EPHB1: variants seen among roughly 807,000 people sequenced by gnomAD.
EPHB1 encodes EPH receptor B1.
EPHB1 carries 30 observed loss-of-function variants against 94.4 expected under a neutral mutation model. The observed-to-expected ratio is 0.32, with a 90% CI of 0.24 to 0.43. EPHB1 has a LOEUF of 0.43. EPHB1 is among the 20% of genes least tolerant of loss of function. The pLI is 1.00. For synonymous variants in EPHB1, 522 were observed against 489.1 expected, an observed-to-expected ratio of 1.07 and a Z score of -0.89; for missense variants, 1,055 against 1,308.3, an observed-to-expected ratio of 0.81 and a Z score of 2.99.
chr3:134,870,378 G>C (rs1949306), intron 1 of EPHB1, among the ~76,000 whole-genome samples: 150,674 of 152,322 alleles, frequency 0.99, 74,543 homozygotes, highest in Middle Eastern at 1. Flanking sequence ...AGGGCATGAA[G>C]AAAAGGAGAA....
At chr3:135,041,983 G>A (rs1214235061) in intron 3 of EPHB1, among the ~76,000 whole-genome samples, 1 of 152,196 alleles carries the variant, frequency 6.6e-6, no homozygotes. Flanking sequence ...CACCTAGGGT[G>A]GAGTACAGTG....
In EPHB1 at chr3:135,027,804, A is replaced by G. The variant is rs1339370163; in HGVS notation, c.805+75752A>G. On this transcript the variant is annotated intron_variant, in intron 3 of 15. Transcript: ENST00000398015. Reference sequence around the variant, plus strand: ...GAATAGTTTCAGAAGGAATGGTACCAGTTCCTCCTTGTACCTCTGGTAGAA... The same window carrying G: ...GAATAGTTTCAGAAGGAATGGTACCGGTTCCTCCTTGTACCTCTGGTAGAA... Among the ~76,000 whole-genome samples, 2 of 128,094 alleles carry G rather than the reference A, an allele frequency of 1.6e-5. 1 individual carries two copies. The highest frequency in any genetic ancestry group is 1.7e-4 in the Admixed American group (2 of 11,668). 84.0% of individuals were successfully genotyped at this position (128,094 alleles called of 152,430 possible). A position where few individuals can be genotyped will look rare whatever the true frequency, so the allele number is the denominator to read the frequency against.
intron 3 of EPHB1, among the ~76,000 whole-genome samples, chr3:135,094,879 A>G (rs1416697487): frequency 6.6e-6 from 1 of 152,200 alleles, no homozygotes; most frequent in Non-Finnish European, 1.5e-5. Context: ...TCCCTGTACC[A>G]TTCCAAAGTC....
intron 9 of EPHB1, among the ~76,000 whole-genome samples, chr3:135,178,234 G>A (rs941861049): frequency 6.7e-6 from 1 of 148,274 alleles, no homozygotes; most frequent in African/African-American, 2.5e-5. Context: ...AGGGGGGGTG[G>A]ATCATGAGGT....
intron 1 of EPHB1, among the ~76,000 whole-genome samples, chr3:134,851,380 C>T (rs746162982): frequency 5.3e-5 from 8 of 152,180 alleles, no homozygotes; most frequent in Admixed American, 6.5e-5. Flanking sequence ...CCCATCTCCC[C>T]TCTCCTCTTT....
chr3:135,210,043 G>A (rs1475090888), intron 12 of EPHB1, among the ~76,000 whole-genome samples: 1 of 152,204 alleles, frequency 6.6e-6, no homozygotes, highest in Non-Finnish European at 1.5e-5. Flanking sequence ...TTCTCTGAGA[G>A]TGAGGATGCT....
intron 3 of EPHB1, among the ~76,000 whole-genome samples, chr3:135,040,639 T>C (rs1341261116): frequency 6.6e-6 from 1 of 152,232 alleles, no homozygotes; most frequent in African/African-American, 2.4e-5. Flanking sequence ...AAGGAGCTGC[T>C]GTTGAGGATG....
chr3:135,133,162 C>T lies in EPHB1; in HGVS notation c.1297+113C>T, dbSNP rs1161082219. ...CTGCCCGTGTACTGTCAGGCCTCTGCCCAGGAGTGAAGGTGTCAGGTGATG... is the reference window on the plus strand; with the variant it reads ...CTGCCCGTGTACTGTCAGGCCTCTGTCCAGGAGTGAAGGTGTCAGGTGATG... On this transcript the variant is annotated intron_variant, in intron 5 of 15. Coordinates refer to ENST00000398015, the MANE Select transcript of EPHB1 (RefSeq NM_004441.5). 4.6e-6 allele frequency: 5 copies of T among 1,085,450 alleles called. No individual in the cohort carries two copies. In the South Asian group the frequency reaches 6.6e-5, roughly 14 times the overall value. The allele number at this position is 1,085,450 out of a possible 1,614,324, so 67.2% of individuals were successfully genotyped here.
At chr3:135,000,705 C>T (rs904212074) in intron 3 of EPHB1, among the ~76,000 whole-genome samples, 11 of 152,142 alleles carry the variant, frequency 7.2e-5, no homozygotes, top group African/African-American at 1.9e-4. Context: ...GCAGTTGGCC[C>T]GTCTTGCATG....
At chr3:134,823,552 G>T (rs1313042367) in intron 1 of EPHB1, among the ~76,000 whole-genome samples, 3 of 152,156 alleles carry the variant, frequency 2.0e-5, no homozygotes, top group African/African-American at 7.2e-5. Flanking sequence ...AACTCCAAAG[G>T]CTACGCACTA....
chr3:134,923,431 A>G (rs1189146902), intron 1 of EPHB1, among the ~76,000 whole-genome samples: 4 of 152,082 alleles, frequency 2.6e-5, no homozygotes, highest in African/African-American at 9.7e-5. Flanking sequence ...CTTATATCCC[A>G]TGCAGGTCAC....
chr3:135,111,634 ACTT>A (rs993241101), intron 4 of EPHB1, among the ~76,000 whole-genome samples: 3 of 152,076 alleles, frequency 2.0e-5, no homozygotes, highest in Non-Finnish European at 4.4e-5. Context: ...GGGTCTCACT[ACTT>A]CTCAGAATAA....
chr3:135,098,472 C>A (rs1559829200), intron 3 of EPHB1, among the ~76,000 whole-genome samples: 1 of 152,092 alleles, frequency 6.6e-6, no homozygotes, highest in Non-Finnish European at 1.5e-5. Flanking sequence ...ATGAATGTTG[C>A]ATGATTTATT....
chr3:134,872,859 C>T (rs1210304437), intron 1 of EPHB1, among the ~76,000 whole-genome samples: 2 of 152,150 alleles, frequency 1.3e-5, no homozygotes, highest in Non-Finnish European at 2.9e-5. Flanking sequence ...TTCCCGGTAT[C>T]CCTTGTCTAG....
chr3:135,093,228 G>A (rs998790700), intron 3 of EPHB1, among the ~76,000 whole-genome samples: 2 of 152,224 alleles, frequency 1.3e-5, no homozygotes, highest in African/African-American at 4.8e-5. Context: ...GGTGGAGTTG[G>A]GGACACAGAG....
At chr3:134,999,777 G>A (rs1020936915) in intron 3 of EPHB1, among the ~76,000 whole-genome samples, 3 of 152,206 alleles carry the variant, frequency 2.0e-5, no homozygotes, top group Non-Finnish European at 4.4e-5. Context: ...CCTATAAAGC[G>A]TCTTGCCTCA....
intron 3 of EPHB1, among the ~76,000 whole-genome samples, chr3:135,062,698 C>G (rs926434000): frequency 6.6e-6 from 1 of 152,144 alleles, no homozygotes; most frequent in South Asian, 2.1e-4. Flanking sequence ...AATTAAGTCC[C>G]AGCTATTTAT....
chr3:135,204,613 G>T (rs1357043268), intron 12 of EPHB1, among the ~76,000 whole-genome samples: 14 of 151,788 alleles, frequency 9.2e-5, no homozygotes, highest in Non-Finnish European at 1.6e-4. Context: ...CGATCCTCCT[G>T]CCTCAGCCTC....
intron 12 of EPHB1, among the ~76,000 whole-genome samples, chr3:135,223,431 A>G (rs969198181): frequency 1.3e-5 from 2 of 152,228 alleles, no homozygotes; most frequent in Non-Finnish European, 2.9e-5. Context: ...TTTGAAAAGT[A>G]TAGGCCATCA....
Sources: allele counts gnomAD v4.1 joint callset (sites outside exome capture counted in the v4.1 genomes callset), GRCh38; gene constraint gnomAD v4.1.1; transcripts MANE v1.5; gene names NCBI Gene and HGNC (gene_info 2026-07-23, HGNC 2026-07-21).